Variants in ZNF35 observed in about 807,000 individuals in gnomAD.
ZNF35 encodes zinc finger protein 35 (clone HF.10).
ZNF35 carries 31 observed loss-of-function variants against 45.9 expected under a neutral mutation model. The observed-to-expected ratio is 0.68, with a 90% CI of 0.51 to 0.91. The LOEUF is 0.91. Among genes scored for constraint, ZNF35 ranks in the 40% least tolerant of loss-of-function variants. The probability of loss-of-function intolerance (pLI) is 0.00; values close to 1 mark genes in which losing one functional copy is unlikely to be tolerated. For missense variants in ZNF35, 515 were observed against 625.4 expected (o/e 0.82, Z 1.88); for synonymous variants, 205 against 220.2 (o/e 0.93, Z 0.61).
upstream of ZNF35, chr3:44,646,722 A>G: frequency 3.8e-6 from 2 of 522,140 alleles, no homozygotes; most frequent in Non-Finnish European, 6.8e-6. Context: ...AAAGGTATAA[A>G]ACATGGATGA....
chr3:44,658,594 T>G, intron 3 of ZNF35, 107 bp from the exon 4 acceptor site: 3 of 1,234,280 alleles, frequency 2.4e-6, no homozygotes, highest in Non-Finnish European at 3.4e-6. Flanking sequence ...GATGAAGCCA[T>G]TTTGTGGAGG....
intron 3 of ZNF35, among the ~76,000 whole-genome samples, chr3:44,653,459 C>T (rs1703242115): frequency 6.6e-6 from 1 of 152,194 alleles, no homozygotes; most frequent in African/African-American, 2.4e-5. Context: ...TCTGTGCACA[C>T]ATGTAGGCAC....
At chr3:44,650,134 A>G (rs2125836834) in intron 1 of ZNF35, among the ~76,000 whole-genome samples, 1 of 151,994 alleles carries the variant, frequency 6.6e-6, no homozygotes, top group Admixed American at 6.6e-5. Context: ...ATATTTCTGT[A>G]TTACTTGATC....
intron 2 of ZNF35, among the ~76,000 whole-genome samples, chr3:44,652,175 A>G (rs1703216223): frequency 1.3e-5 from 2 of 152,122 alleles, no homozygotes; most frequent in South Asian, 4.1e-4. Flanking sequence ...TTACTAGTCA[A>G]ATGAGGGCAG....
chr3:44,651,307 C>T (rs779484173), intron 2 of ZNF35, 48 bp downstream of exon 2: 1 of 1,575,590 alleles, frequency 6.3e-7, no homozygotes. Context: ...TTGAAGACCT[C>T]AAGTAGTTTA....
chr3:44,651,010 G>C lies in ZNF35; in HGVS notation c.-58G>C. 6.5e-7 allele frequency: 1 copy of C among 1,539,108 alleles called. No individual in the cohort carries two copies. Among genetic ancestry groups the C allele is most frequent in the Non-Finnish European group, 8.8e-7 (1 of 1,137,356 alleles). On this transcript the variant is annotated 5_prime_UTR_variant, in exon 2 of 4. Transcript: ENST00000396056. ...CTTTTGAAACATAAAGCTTGGATGG[G>C]GTTTGACCTCTGCAGGGCAGCGCCC...
upstream of ZNF35, chr3:44,647,189 TA>T (rs979411295): frequency 4.6e-5 from 7 of 151,970 alleles, no homozygotes; most frequent in African/African-American, 1.7e-4. Context: ...CACTGAAGTA[TA>T]GATAGCAAAT....
Position 44,659,041 on chromosome 3 carries a change from G to T in ZNF35, c.678G>T (p.Val226=). The T allele has an allele frequency of 6.2e-7, 1 of 1,614,248 alleles. No homozygotes were observed. Among genetic ancestry groups the T allele is most frequent in the Non-Finnish European group, 8.5e-7 (1 of 1,180,052 alleles). The change falls in exon 4 of 4, where the codon GTG becomes GTT. Residue 226 remains valine (V), a synonymous_variant. Coordinates refer to ENST00000396056, the MANE Select transcript of ZNF35 (RefSeq NM_003420.4). The surrounding 1 kb of genome is among the most constrained non-coding windows in gnomAD (Gnocchi z 4.3). ...GACAAAAGCCTTTTACGTGTAGCGT[G>T]TGTGGGAAAGGATTTAGTCAGAGTG... ...QLGQKPFTCS[V]CGKGFSQSAN...
At position 44,652,575 on chromosome 3, in the gene ZNF35, G is replaced by A; in HGVS notation, c.211G>A (p.Asp71Asn). 1 of 1,607,028 alleles carries A rather than the reference G, an allele frequency of 6.2e-7. No homozygotes were observed. The highest frequency in any genetic ancestry group is 8.5e-7 in the Non-Finnish European group (1 of 1,176,752). The stretch of plus-strand genomic sequence containing the variant: ...TCTCTAGGGTCAGAACATATCCTGG[G>A]ATATGGCGGTAGTCCTGAAAGCAAC... ...EEEKGQNISW[D>N]MAVVLKATQE... The change falls in exon 3 of 4, where the codon GAT becomes AAT. Residue 71 changes from aspartate (D) to asparagine (N), a missense_variant. By Grantham distance (23) the Asp-to-Asn change is conservative. This residue lies in a region of ZNF35 where 275 missense variants were observed against 295.7 expected (regional missense o/e 0.93). Transcript: ENST00000396056.
chr3:44,658,790 C>T lies in ZNF35; in HGVS notation c.427C>T (p.Gln143Ter). ...ACCCCTCATCATATCAGAAAGAATC[C>T]AGAAAGCTGATCCTCAAGGACCTGA... ...EKPLIISERI[Q>*]KADPQGPELG... The change falls in exon 4 of 4, where the codon CAG becomes TAG. Residue 143 changes from glutamine to a stop codon, truncating the protein, a stop_gained. Transcript: ENST00000396056. LOFTEE classifies it high-confidence loss of function. 1.2e-6 allele frequency: 2 copies of T among 1,610,160 alleles called. No homozygotes were observed. Among genetic ancestry groups the T allele is most frequent in the Non-Finnish European group, 1.7e-6 (2 of 1,179,158 alleles).
rs1215369768 is a variant in ZNF35 at position 44,659,726 on chromosome 3, T to G, written c.1363T>G (p.Phe455Val). 6.2e-7 allele frequency: 1 copy of G among 1,614,204 alleles called. No homozygotes were observed. The change falls in exon 4 of 4, where the codon TTC becomes GTC. Residue 455 changes from phenylalanine to valine, a missense_variant. Phe to Val is a conservative substitution (Grantham distance 50). Transcript: ENST00000396056. This position sits in a 1 kb window ranked among gnomAD's most constrained non-coding sequence, Gnocchi z 4.3. ...CGTGTGTAATGAATGTGGGAAGGCC[T>G]TCACATGTAGCTCATACCTACTTAT... ...PYVCNECGKA[F>V]TCSSYLLIHQ...
chr3:44,656,396 T>G (rs533317208), intron 3 of ZNF35, among the ~76,000 whole-genome samples: 198 of 150,236 alleles, frequency 1.3e-3, no homozygotes, highest in Non-Finnish European at 2.3e-3. Context: ...ATTTCAGATT[T>G]TTTTTTTTTT....
In ZNF35 at chr3:44,658,922, A is replaced by G. The variant is rs1232830649; in HGVS notation, c.559A>G (p.Ser187Gly). The G allele has an allele frequency of 1.9e-6, 3 of 1,613,416 alleles. No individual in the cohort carries two copies. The East Asian group carries it at 6.7e-5, about 36-fold the overall frequency. The change falls in exon 4 of 4, where the codon AGC (serine) becomes GGC (glycine). Residue 187 changes from serine (S) to glycine (G), a missense_variant. By Grantham distance (56) the Ser-to-Gly change is moderately conservative. This residue lies in a region of ZNF35 where 275 missense variants were observed against 295.7 expected (regional missense o/e 0.93). Coordinates refer to ENST00000396056, the MANE Select transcript of ZNF35 (RefSeq NM_003420.4). The stretch of plus-strand genomic sequence containing the variant: ...AGTGAATGACTGTCACTTACCTGAA[A>G]GCTTCAAAGAAGAGGAAAACCAGAA... The part of the protein sequence containing the change: ...VIVNDCHLPE[S>G]FKEEENQKCK...
chr3:44,649,986 A>C (rs1430710629), intron 1 of ZNF35, among the ~76,000 whole-genome samples: 3 of 152,210 alleles, frequency 2.0e-5, no homozygotes, highest in African/African-American at 7.2e-5. Context: ...TTGAAAAATA[A>C]GCAATATGTG....
intron 3 of ZNF35, 51 bp downstream of exon 3, chr3:44,652,752 T>A (rs1286479822): frequency 6.8e-7 from 1 of 1,480,466 alleles, no homozygotes; most frequent in African/African-American, 1.4e-5. Context: ...TTTCTCAAAA[T>A]CTTTTCAGAG....
chr3:44,652,687 C>T lies in ZNF35; in HGVS notation c.323C>T (p.Thr108Ile). Residue 108 changes from threonine to isoleucine, a missense_variant, in exon 3 of 4, where the codon ACC becomes ATC. By Grantham distance (89) the Thr-to-Ile change is moderately conservative. Transcript: ENST00000396056. ...AGTGAGATACTGGAGACTCATGGGA[C>T]CATGAACTTTCTAGGTATGGTTCAG... is the stretch of plus-strand genomic sequence containing the variant. ...AKSEILETHG[T>I]MNFLGAETKN... is the part of the protein sequence containing the mutation. 6.3e-7 allele frequency: 1 copy of T among 1,594,736 alleles called. No individual in the cohort carries two copies. Among genetic ancestry groups the T allele is most frequent in the Non-Finnish European group, 8.5e-7 (1 of 1,172,606 alleles).
In ZNF35 at chr3:44,651,145, AG is replaced by A. The variant is rs1703194893; in HGVS notation, c.79del (p.Glu27LysfsTer48). On this transcript the variant is annotated frameshift_variant, in exon 2 of 4. Transcript: ENST00000396056. LOFTEE classifies it high-confidence loss of function. ...AGGTGAAAAAGGAGGAGGAAGAAGA[AG>A]AAAACTTCCCAGGTCAGGCATCCAG... is the stretch of plus-strand genomic sequence containing the variant. ...VKVKKEEEEE[E>X]NFPGQASSQQ... is the part of the protein sequence containing the mutation. 2 of 1,614,206 alleles carry A rather than the reference AG, an allele frequency of 1.2e-6. No individual in the cohort carries two copies. Among genetic ancestry groups the A allele is most frequent in the Non-Finnish European group, 1.7e-6 (2 of 1,180,034 alleles).
chr3:44,652,625 C>T lies in ZNF35; in HGVS notation c.261C>T (p.Thr87=), dbSNP rs1293544584. 1 of 1,610,800 alleles carries T rather than the reference C, an allele frequency of 6.2e-7. No homozygotes were observed. Among genetic ancestry groups the T allele is most frequent in the Admixed American group, 1.7e-5 (1 of 59,414 alleles). Residue 87 remains threonine (T), a synonymous_variant, in exon 3 of 4, where the codon ACC becomes ACT. Coordinates refer to ENST00000396056, the MANE Select transcript of ZNF35 (RefSeq NM_003420.4). ...KATQEAPAAS[T]LGSYSLPGTL... Reference sequence around the variant, plus strand: ...CTCAGGAGGCACCTGCTGCTTCAACCCTTGGCAGCTACTCATTACCAGGGA... The same window carrying T: ...CTCAGGAGGCACCTGCTGCTTCAACTCTTGGCAGCTACTCATTACCAGGGA...
chr3:44,646,695 A>G, upstream of ZNF35: 2 of 559,930 alleles, frequency 3.6e-6, no homozygotes, highest in Non-Finnish European at 6.4e-6. Context: ...TTGTGTATGT[A>G]TGAAAATTTC....
Sources: gnomAD v4.1 joint callset for allele counts (sites outside exome capture counted in the v4.1 genomes callset) on GRCh38, gnomAD v4.1.1 for gene constraint, gnomAD v4.1.1 regional missense constraint, Gnocchi (gnomAD v3.1) non-coding constraint, MANE v1.5 for transcripts, NCBI Gene and HGNC (gene_info 2026-07-23, HGNC 2026-07-21) for gene names.